The following CDH20 variants were observed in gnomAD, a reference collection of about 807,000 sequenced individuals.
CDH20 encodes cadherin 20.
Under a neutral mutation model 74.2 loss-of-function variants are expected in CDH20, and 29 were observed. That is an observed-to-expected ratio of 0.39 (90% CI 0.29 to 0.53). The LOEUF (loss-of-function observed/expected upper bound fraction) is 0.53, where lower values mean the gene tolerates loss of function less well. Among genes scored for constraint, CDH20 ranks in the 20% least tolerant of loss-of-function variants. CDH20 has a pLI of 0.69. For missense variants in CDH20, 988 were observed against 1,048.3 expected, an observed-to-expected ratio of 0.94 and a Z score of 0.79; for synonymous variants, 469 against 405.4, an observed-to-expected ratio of 1.16 and a Z score of -1.88.
intron 7 of CDH20, among the ~76,000 whole-genome samples, chr18:61,533,045 T>C (rs896601579): frequency 3.3e-5 from 5 of 152,192 alleles, no homozygotes; most frequent in Non-Finnish European, 5.9e-5. Context: ...ACTTGGGAGA[T>C]TGAGGCAGGA....
intron 1 of CDH20, among the ~76,000 whole-genome samples, chr18:61,471,472 G>C (rs544490255): frequency 2.0e-5 from 3 of 152,178 alleles, no homozygotes; most frequent in Non-Finnish European, 4.4e-5. Context: ...TTTAAAATCT[G>C]TTATCAATTG....
intron 1 of CDH20, among the ~76,000 whole-genome samples, chr18:61,396,206 C>A (rs1474745984): frequency 2.0e-5 from 3 of 152,160 alleles, no homozygotes; most frequent in Admixed American, 2.0e-4. Flanking sequence ...TCTCTAGCAG[C>A]TGCTGCTATT....
At chr18:61,419,512 C>T (rs1438734377) in intron 1 of CDH20, among the ~76,000 whole-genome samples, 1 of 152,174 alleles carries the variant, frequency 6.6e-6, no homozygotes, top group African/African-American at 2.4e-5. Context: ...CTCTGCAATA[C>T]AACCATGCAA....
At chr18:61,529,491 T>C (rs1912562761) in intron 7 of CDH20, among the ~76,000 whole-genome samples, 1 of 152,210 alleles carries the variant, frequency 6.6e-6, no homozygotes, top group Non-Finnish European at 1.5e-5. Flanking sequence ...TGATATTTGA[T>C]TTTTTCAAAG....
rs74488363 is a variant in CDH20 at position 61,345,383 on chromosome 18, T to C, written c.-153+11556T>C. Among the ~76,000 whole-genome samples the C allele has an allele frequency of 9.0e-3, 1,376 of 152,286 alleles. 20 individuals carry two copies. The highest frequency in any genetic ancestry group is 0.032 in the African/African-American group (1,319 of 41,554). On this transcript the variant is annotated intron_variant, in intron 1 of 11. Coordinates refer to ENST00000262717, the MANE Select transcript of CDH20 (RefSeq NM_031891.4). Reference sequence around the variant, plus strand: ...AAGAGGCAGGAGGCTTTGCTGGGCCTTGTGGCTTGCAGAGTTGAGGAAAGG... The same window carrying C: ...AAGAGGCAGGAGGCTTTGCTGGGCCCTGTGGCTTGCAGAGTTGAGGAAAGG...
In CDH20 at chr18:61,514,328, C is replaced by T. The variant is rs1245416755; in HGVS notation, c.1017+6768C>T. Among the ~76,000 whole-genome samples, 15 of 152,300 alleles carry T rather than the reference C, an allele frequency of 9.8e-5. No homozygotes were observed. The East Asian group carries it at 1.2e-3, about 12-fold the overall frequency. ...GCTTCTGCATTCTTCACGTAGTTCA[C>T]GAGCCTTGGTTTTCAGCTTCATCAG... is the stretch of plus-strand genomic sequence containing the variant. On this transcript the variant is annotated intron_variant, in intron 6 of 11. Coordinates refer to ENST00000262717, the MANE Select transcript of CDH20 (RefSeq NM_031891.4).
At chr18:61,343,452 C>T (rs1910018173) in intron 1 of CDH20, among the ~76,000 whole-genome samples, 2 of 152,104 alleles carry the variant, frequency 1.3e-5, no homozygotes, top group African/African-American at 2.4e-5. Context: ...AGGTTGAGTG[C>T]CTCTACCCAA....
chr18:61,499,398 C>T lies in CDH20; in HGVS notation c.459C>T (p.Ile153=), dbSNP rs1050519807. The part of the protein sequence containing the change: ...RPMEPESEFI[I]KIQDINDNEP... The stretch of plus-strand genomic sequence containing the variant: ...TGGAGCCCGAGTCAGAGTTCATCAT[C>T]AAAATTCAAGACATCAATGACAATG... Residue 153 remains isoleucine (I), a synonymous_variant, in exon 3 of 12, where the codon ATC becomes ATT. Coordinates refer to ENST00000262717, the MANE Select transcript of CDH20 (RefSeq NM_031891.4). 3 of 1,614,008 alleles carry T rather than the reference C, an allele frequency of 1.9e-6. No homozygotes were observed. The African/African-American group carries it at 4.0e-5, about 22-fold the overall frequency.
chr18:61,341,224 T>C (rs2144091136), intron 1 of CDH20, among the ~76,000 whole-genome samples: 1 of 152,340 alleles, frequency 6.6e-6, no homozygotes. Context: ...TCCTGGAGGC[T>C]GAAGTCCAAG....
intron 1 of CDH20, among the ~76,000 whole-genome samples, chr18:61,406,605 A>T (rs1251135928): frequency 6.6e-6 from 1 of 152,246 alleles, no homozygotes; most frequent in Non-Finnish European, 1.5e-5. Flanking sequence ...GAAACAGGAT[A>T]ATGTGATAGA....
At chr18:61,475,202 G>A (rs781618660) in intron 1 of CDH20, among the ~76,000 whole-genome samples, 2 of 152,198 alleles carry the variant, frequency 1.3e-5, no homozygotes, top group Non-Finnish European at 2.9e-5. Flanking sequence ...CAGAAGGAAT[G>A]GAGAGGAAAG....
chr18:61,540,439 G>A (rs559805177), intron 9 of CDH20, among the ~76,000 whole-genome samples: 48 of 152,186 alleles, frequency 3.2e-4, no homozygotes, highest in African/African-American at 1.2e-4. Context: ...ACAGTTCCAC[G>A]TGGCTGGGGA....
intron 1 of CDH20, among the ~76,000 whole-genome samples, chr18:61,377,690 A>G (rs1911287138): frequency 1.3e-5 from 2 of 152,082 alleles, no homozygotes; most frequent in African/African-American, 4.8e-5. Flanking sequence ...CACCAAATCA[A>G]GATTAGGGAT....
chr18:61,409,919 C>G (rs1912443515), intron 1 of CDH20, among the ~76,000 whole-genome samples: 1 of 152,206 alleles, frequency 6.6e-6, no homozygotes, highest in East Asian at 1.9e-4. Flanking sequence ...CCTGTGACTT[C>G]CGTTTTCTGA....
intron 1 of CDH20, among the ~76,000 whole-genome samples, chr18:61,417,213 A>T (rs1262463258): frequency 6.6e-6 from 1 of 152,178 alleles, no homozygotes; most frequent in Non-Finnish European, 1.5e-5. Flanking sequence ...AAGATTATAG[A>T]GGTAAAATGA....
chr18:61,471,619 C>A (rs920243621), intron 1 of CDH20, among the ~76,000 whole-genome samples: 1 of 152,048 alleles, frequency 6.6e-6, no homozygotes, highest in Non-Finnish European at 1.5e-5. Context: ...GAACTCCACA[C>A]GTAGAAGCAA....
chr18:61,386,816 A>G (rs996711002), intron 1 of CDH20, among the ~76,000 whole-genome samples: 3 of 152,212 alleles, frequency 2.0e-5, no homozygotes, highest in Non-Finnish European at 4.4e-5. Flanking sequence ...TTAAAAAAGG[A>G]TAGAATATTT....
At chr18:61,522,279 A>G (rs530029084) in intron 6 of CDH20, among the ~76,000 whole-genome samples, 1 of 145,532 alleles carries the variant, frequency 6.9e-6, no homozygotes, top group East Asian at 1.9e-4. Context: ...CCAATAATAG[A>G]TAGAGAGCCA....
intron 1 of CDH20, chr18:61,334,210 C>A (rs1909671103): frequency 6.6e-6 from 1 of 152,088 alleles, no homozygotes; most frequent in Non-Finnish European, 1.5e-5. Context: ...TCGCTGGCCC[C>A]GCAGGCGGTG....
Sources: allele counts gnomAD v4.1 joint callset (sites outside exome capture counted in the v4.1 genomes callset), GRCh38; gene constraint gnomAD v4.1.1; transcripts MANE v1.5; gene names NCBI Gene and HGNC (gene_info 2026-07-23, HGNC 2026-07-21).